FSHR: variants seen among roughly 807,000 people sequenced by gnomAD.
FSHR encodes follicle stimulating hormone receptor, also known as follicle-stimulating hormone receptor.
A neutral mutation model predicts 52.1 loss-of-function variants in FSHR; 46 were observed. The ratio of observed to expected loss-of-function variants is 0.88; its 90% CI spans 0.70 to 1.13. The LOEUF is 1.13. Among genes scored for constraint, FSHR ranks in the 50% most tolerant of loss-of-function variants. FSHR has a pLI of 0.00. For missense variants in FSHR, 964 were observed against 834.6 expected (o/e 1.16, Z -1.91); for synonymous variants, 399 against 309.6 (o/e 1.29, Z -3.03).
At chr2:49,120,258 G>A (rs1044454477) in intron 1 of FSHR, among the ~76,000 whole-genome samples, 3 of 152,248 alleles carry the variant, frequency 2.0e-5, no homozygotes, top group South Asian at 2.1e-4. Context: ...GCAAGAGAGT[G>A]AGACTCCATC....
At chr2:49,140,132 C>T (rs1168278652) in intron 1 of FSHR, among the ~76,000 whole-genome samples, 1 of 152,090 alleles carries the variant, frequency 6.6e-6, no homozygotes, top group Admixed American at 6.5e-5. Context: ...TTTGTCCACA[C>T]CCAACGCTCA....
At chr2:49,095,801 G>C (rs541211908) in intron 1 of FSHR, among the ~76,000 whole-genome samples, 1 of 152,234 alleles carries the variant, frequency 6.6e-6, no homozygotes, top group South Asian at 2.1e-4. Flanking sequence ...TAAAATGGGT[G>C]AAGATTTGAA....
At chr2:48,967,294 C>A (rs570872018) in intron 9 of FSHR, among the ~76,000 whole-genome samples, 26 of 152,084 alleles carry the variant, frequency 1.7e-4, no homozygotes, top group African/African-American at 5.8e-4. Context: ...AGACGAGGTC[C>A]CACCATGTTA....
intron 2 of FSHR, among the ~76,000 whole-genome samples, chr2:49,062,787 C>G (rs962775909): frequency 6.6e-6 from 1 of 151,900 alleles, no homozygotes; most frequent in East Asian, 1.9e-4. Context: ...TACAAATGGT[C>G]AATAGGCATA....
At position 49,112,041 on chromosome 2, in the gene FSHR, G is replaced by C. The variant is rs1216103749; in HGVS notation, c.152+42225C>G. 2.6e-5 allele frequency among the ~76,000 whole-genome samples: 4 copies of C among 152,266 alleles called. No individual in the cohort carries two copies. The East Asian group carries it at 7.7e-4, about 29-fold the overall frequency. On this transcript the variant is annotated intron_variant, in intron 1 of 9. Coordinates refer to ENST00000406846, the MANE Select transcript of FSHR (RefSeq NM_000145.4). ...CTTCCAAGCTGCAGAGTAGCAACTA[G>C]GATCTCTTACACATTTTTTTTCACC...
chr2:49,129,168 C>T (rs923783148), intron 1 of FSHR, among the ~76,000 whole-genome samples: 1 of 151,998 alleles, frequency 6.6e-6, no homozygotes, highest in African/African-American at 2.4e-5. Context: ...CAGTAAATAC[C>T]ACTGCCTTCC....
chr2:49,133,984 A>G (rs1201680740), intron 1 of FSHR, among the ~76,000 whole-genome samples: 3 of 152,232 alleles, frequency 2.0e-5, no homozygotes, highest in African/African-American at 7.2e-5. Flanking sequence ...AACCTAGGCA[A>G]TACCATTAAG....
Position 48,996,735 on chromosome 2 carries a change from T to G in FSHR, c.375-6098A>C, listed in dbSNP as rs139637081. 1.2e-3 allele frequency among the ~76,000 whole-genome samples: 189 copies of G among 152,232 alleles called. 1 individual carries two copies. Among genetic ancestry groups the G allele is most frequent in the African/African-American group, 4.4e-3 (182 of 41,540 alleles). ...TCATTCAACCTCAGTTGGGAACCCA[T>G]GTCAAGACACTCAAATTTTTGTCTT... is the stretch of plus-strand genomic sequence containing the variant. On this transcript the variant is annotated intron_variant, in intron 4 of 9. Coordinates refer to ENST00000406846, the MANE Select transcript of FSHR (RefSeq NM_000145.4).
chr2:49,067,798 G>T (rs1669563820), intron 2 of FSHR, among the ~76,000 whole-genome samples: 1 of 152,024 alleles, frequency 6.6e-6, no homozygotes, highest in South Asian at 2.1e-4. Flanking sequence ...TTGCCTGCAT[G>T]AATACTTTGG....
rs1202395226 is a variant in FSHR at position 48,963,243 on chromosome 2, C to A, written c.1578G>T (p.Leu526Phe). The stretch of plus-strand genomic sequence containing the variant: ...GGAGGGACATGACATACAGCTGTGA[C>A]AAAGGGCTGTCAATATCCATGGGCA... Reference protein sequence around the residue: ...ICLPMDIDSPLSQLYVMSLLV... With the variant: ...ICLPMDIDSPFSQLYVMSLLV... Residue 526 changes from leucine to phenylalanine, a missense_variant, in exon 10 of 10, where the codon TTG (leucine) becomes TTT (phenylalanine). Leu to Phe is a conservative substitution (Grantham distance 22). Coordinates refer to ENST00000406846, the MANE Select transcript of FSHR (RefSeq NM_000145.4). The A allele has an allele frequency of 6.2e-7, 1 of 1,614,146 alleles. No individual in the cohort carries two copies. Among genetic ancestry groups the A allele is most frequent in the Non-Finnish European group, 8.5e-7 (1 of 1,180,022 alleles).
chr2:48,982,626 G>A lies in FSHR; in HGVS notation c.668+286C>T, dbSNP rs114758837. ...ACGGGAATAATAGCTCCTACCACAGGGGGTGATTATAAGGATTAAACAAGA... is the reference window on the plus strand; with the variant it reads ...ACGGGAATAATAGCTCCTACCACAGAGGGTGATTATAAGGATTAAACAAGA... On this transcript the variant is annotated intron_variant, in intron 8 of 9. Transcript: ENST00000406846. Among the ~76,000 whole-genome samples, 1,121 of 152,226 alleles carry A rather than the reference G, an allele frequency of 7.4e-3. 8 individuals carry two copies. The highest frequency in any genetic ancestry group is 0.016 in the South Asian group (75 of 4,818).
At chr2:48,972,997 C>A (rs184118544) in intron 8 of FSHR, among the ~76,000 whole-genome samples, 1 of 144,282 alleles carries the variant, frequency 6.9e-6, no homozygotes, top group South Asian at 2.1e-4. Flanking sequence ...TTTCCCATTG[C>A]GGGTCTATTT....
chr2:48,985,522 C>T (rs1675462183), intron 6 of FSHR, among the ~76,000 whole-genome samples: 2 of 151,964 alleles, frequency 1.3e-5, no homozygotes, highest in Admixed American at 1.3e-4. Flanking sequence ...GGGCACAGTG[C>T]GGGTGCAGAA....
At chr2:49,107,388 A>G (rs190209550) in intron 1 of FSHR, among the ~76,000 whole-genome samples, 57 of 152,056 alleles carry the variant, frequency 3.7e-4, no homozygotes, top group Admixed American at 3.1e-3. Flanking sequence ...GCACACACCT[A>G]TCTTATAGCA....
intron 1 of FSHR, among the ~76,000 whole-genome samples, chr2:49,093,661 C>T (rs1379886363): frequency 1.4e-5 from 2 of 143,542 alleles, no homozygotes; most frequent in Non-Finnish European, 3.0e-5. Flanking sequence ...TTGGTACGAT[C>T]GCAGCTCGCT....
intron 1 of FSHR, among the ~76,000 whole-genome samples, chr2:49,085,705 G>A (rs1670356723): frequency 6.6e-6 from 1 of 152,192 alleles, no homozygotes; most frequent in African/African-American, 2.4e-5. Flanking sequence ...CAAAGACTTG[G>A]AACCAACCCA....
chr2:48,991,992 A>G (rs916501511), intron 4 of FSHR, among the ~76,000 whole-genome samples: 1 of 150,662 alleles, frequency 6.6e-6, no homozygotes, highest in African/African-American at 2.4e-5. Flanking sequence ...AATGCAGTCT[A>G]TGGGTTCTCG....
At chr2:49,098,674 ATGTGTGTATG>A (rs1447302611) in intron 1 of FSHR, among the ~76,000 whole-genome samples, 2 of 149,708 alleles carry the variant, frequency 1.3e-5, no homozygotes, top group African/African-American at 4.9e-5. Flanking sequence ...AAAGGGAATA[ATGTGTGTATG>A]TGTGTGTATG....
intron 8 of FSHR, among the ~76,000 whole-genome samples, chr2:48,975,480 C>G (rs1359284179): frequency 6.6e-6 from 1 of 152,164 alleles, no homozygotes; most frequent in African/African-American, 2.4e-5. Flanking sequence ...ACAGGCACGT[C>G]AGGCCTCTTG....
Sources: gnomAD v4.1 joint callset for allele counts (sites outside exome capture counted in the v4.1 genomes callset) on GRCh38, gnomAD v4.1.1 for gene constraint, MANE v1.5 for transcripts, NCBI Gene and HGNC (gene_info 2026-07-23, HGNC 2026-07-21) for gene names.